Variants in PPP2R2B observed in about 807,000 individuals in gnomAD.
PPP2R2B encodes protein phosphatase 2 regulatory subunit Bbeta, also known as serine/threonine-protein phosphatase 2A 55 kDa regulatory subunit B beta isoform.
Under a neutral mutation model 46.0 loss-of-function variants are expected in PPP2R2B, and 5 were observed. The observed-to-expected ratio is 0.11, with a 90% CI of 0.06 to 0.23. PPP2R2B has a LOEUF of 0.23. Ranked by LOEUF, PPP2R2B falls within the 10% of genes least tolerant of loss-of-function variation. The pLI is 1.00. For missense variants in PPP2R2B, 367 were observed against 575.0 expected (o/e 0.64, Z 3.70); for synonymous variants, 215 against 206.7 (o/e 1.04, Z -0.34).
intron 1 of PPP2R2B, among the ~76,000 whole-genome samples, chr5:146,892,851 T>C (rs1024624752): frequency 6.6e-6 from 1 of 152,220 alleles, no homozygotes; most frequent in Non-Finnish European, 1.5e-5. Context: ...CATATTAATT[T>C]GTGCATATTT....
intron 1 of PPP2R2B, among the ~76,000 whole-genome samples, chr5:147,043,560 C>T (rs770755196): frequency 4.6e-5 from 7 of 152,058 alleles, no homozygotes; most frequent in South Asian, 4.2e-4. Context: ...CACCCAGACT[C>T]GGGCATTTTG....
intron 2 of PPP2R2B, among the ~76,000 whole-genome samples, chr5:146,772,335 A>G (rs940410269): frequency 1.4e-5 from 2 of 144,972 alleles, no homozygotes; most frequent in African/African-American, 5.1e-5. Flanking sequence ...GAGCACGTAG[A>G]ATGTATATTT....
At chr5:146,806,568 G>A (rs1757191472) in intron 2 of PPP2R2B, among the ~76,000 whole-genome samples, 1 of 152,148 alleles carries the variant, frequency 6.6e-6, no homozygotes, top group Non-Finnish European at 1.5e-5. Flanking sequence ...TCCTTATAAA[G>A]TCTTATGTTG....
At chr5:146,982,475 T>C (rs941169374) in intron 1 of PPP2R2B, among the ~76,000 whole-genome samples, 3 of 152,158 alleles carry the variant, frequency 2.0e-5, no homozygotes, top group African/African-American at 7.2e-5. Context: ...ATGGTCTAGG[T>C]CCCACAGGCA....
chr5:147,014,692 C>T (rs911211578), intron 1 of PPP2R2B, among the ~76,000 whole-genome samples: 7 of 143,380 alleles, frequency 4.9e-5, no homozygotes, highest in Non-Finnish European at 1.0e-4. Flanking sequence ...ACAATGAGAA[C>T]ACATGGACAC....
chr5:146,797,655 C>T (rs935947203), intron 2 of PPP2R2B, among the ~76,000 whole-genome samples: 1 of 152,238 alleles, frequency 6.6e-6, no homozygotes, highest in African/African-American at 2.4e-5. Context: ...ACATTATTGT[C>T]ATCAAATGGT....
chr5:146,627,453 G>T (rs1179620991), intron 7 of PPP2R2B, among the ~76,000 whole-genome samples: 1 of 152,166 alleles, frequency 6.6e-6, no homozygotes, highest in African/African-American at 2.4e-5. Context: ...GTAGATGAGG[G>T]TGAAGAATGA....
chr5:147,061,522 T>A (rs1232310451), intron 2 of PPP2R2B, among the ~76,000 whole-genome samples: 1 of 152,208 alleles, frequency 6.6e-6, no homozygotes, highest in Non-Finnish European at 1.5e-5. Flanking sequence ...ATATAAGCTC[T>A]ACAGGGACAC....
At chr5:146,709,245 A>G (rs927038397) in intron 2 of PPP2R2B, among the ~76,000 whole-genome samples, 1 of 152,210 alleles carries the variant, frequency 6.6e-6, no homozygotes, top group African/African-American at 2.4e-5. Flanking sequence ...TCTTATCACA[A>G]TGGCTGTTTC....
chr5:146,832,377 ATCTTTTTT>A (rs1158917689), intron 2 of PPP2R2B, among the ~76,000 whole-genome samples: 10 of 104,330 alleles, frequency 9.6e-5, no homozygotes, highest in African/African-American at 1.8e-4. Context: ...GCCATTTTTA[ATCTTTTTT>A]TTTTTTTTTT....
chr5:146,916,712 CT>C (rs1319493218), intron 1 of PPP2R2B, among the ~76,000 whole-genome samples: 1 of 152,118 alleles, frequency 6.6e-6, no homozygotes, highest in African/African-American at 2.4e-5. Context: ...AATGTTTAAT[CT>C]GTAGACTATG....
chr5:146,789,072 C>T (rs561775421), intron 2 of PPP2R2B, among the ~76,000 whole-genome samples: 2 of 152,304 alleles, frequency 1.3e-5, no homozygotes, highest in African/African-American at 2.4e-5. Context: ...ACTCAGGTCC[C>T]TAAGGAGCGT....
intron 7 of PPP2R2B, among the ~76,000 whole-genome samples, chr5:146,620,239 C>T (rs150649160): frequency 2.0e-4 from 30 of 152,258 alleles, no homozygotes; most frequent in South Asian, 1.2e-3. Context: ...GCTTAGGGTT[C>T]GCCTGTCAAT....
chr5:147,045,739 G>A (rs896520762), intron 1 of PPP2R2B, among the ~76,000 whole-genome samples: 1 of 152,134 alleles, frequency 6.6e-6, no homozygotes, highest in Admixed American at 6.6e-5. Flanking sequence ...GAGACGTACA[G>A]GGTCACATCA....
chr5:146,643,820 C>T (rs569148663), intron 6 of PPP2R2B, among the ~76,000 whole-genome samples: 33 of 152,212 alleles, frequency 2.2e-4, no homozygotes, highest in African/African-American at 7.7e-4. Context: ...GTGAATATGC[C>T]TGATATATAA....
At chr5:146,721,735 G>T (rs1227713482) in intron 2 of PPP2R2B, among the ~76,000 whole-genome samples, 2 of 152,192 alleles carry the variant, frequency 1.3e-5, no homozygotes, top group Admixed American at 6.5e-5. Context: ...GAAGCACTTT[G>T]CTCTCATTCA....
In PPP2R2B at chr5:146,638,092, A is replaced by G. The variant is rs559957727; in HGVS notation, c.790+159T>C. Among the ~76,000 whole-genome samples the G allele has an allele frequency of 3.3e-5, 5 of 152,356 alleles. No homozygotes were observed. The East Asian group carries it at 7.7e-4, about 23-fold the overall frequency. ...GTTTTGGAATCGAACACAAATGTTC[A>G]TCTTTACTGAAATATAAAATACGGA... On this transcript the variant is annotated intron_variant, in intron 7 of 9. Coordinates refer to ENST00000394411, the MANE Select transcript of PPP2R2B (RefSeq NM_181675.4).
At chr5:147,061,617 A>C (rs1182929587) in intron 2 of PPP2R2B, among the ~76,000 whole-genome samples, 2 of 152,176 alleles carry the variant, frequency 1.3e-5, no homozygotes, top group African/African-American at 4.8e-5. Context: ...TCTGATTGGC[A>C]GTCTGGACTG....
chr5:146,942,583 C>A (rs908126437), intron 1 of PPP2R2B, among the ~76,000 whole-genome samples: 2 of 152,082 alleles, frequency 1.3e-5, no homozygotes, highest in African/African-American at 4.8e-5. Context: ...CATTTTTATA[C>A]ATATTATCAA....
Sources: allele counts gnomAD v4.1 joint callset (sites outside exome capture counted in the v4.1 genomes callset), GRCh38; gene constraint gnomAD v4.1.1; transcripts MANE v1.5; gene names NCBI Gene and HGNC (gene_info 2026-07-23, HGNC 2026-07-21).